Variants in FHIP1A observed in about 807,000 individuals in gnomAD.
FHIP1A encodes the protein FHF complex subunit HOOK-interacting protein 1A.
Under a neutral mutation model 88.6 loss-of-function variants are expected in FHIP1A, and 61 were observed. The observed-to-expected ratio is 0.69, with a 90% CI of 0.56 to 0.85. The LOEUF (loss-of-function observed/expected upper bound fraction) is 0.85. FHIP1A is among the 40% of genes least tolerant of loss of function. FHIP1A has a pLI of 0.00. For missense variants in FHIP1A, 1,154 were observed against 1,273.5 expected, an observed-to-expected ratio of 0.91 and a Z score of 1.43; for synonymous variants, 478 against 496.0, an observed-to-expected ratio of 0.96 and a Z score of 0.48.
intron 3 of FHIP1A, among the ~76,000 whole-genome samples, chr4:151,484,391 T>C (rs1473530389): frequency 6.6e-6 from 1 of 152,200 alleles, no homozygotes; most frequent in Non-Finnish European, 1.5e-5. Context: ...TATTTTGAGT[T>C]GTGCAGGAGA....
intron 7 of FHIP1A, among the ~76,000 whole-genome samples, chr4:151,597,768 A>T (rs896878659): frequency 6.6e-6 from 1 of 152,096 alleles, no homozygotes; most frequent in Non-Finnish European, 1.5e-5. Context: ...GCTACAGCAG[A>T]TTTGCTGAGC....
intron 1 of FHIP1A, among the ~76,000 whole-genome samples, chr4:151,434,844 C>A (rs1733739973): frequency 6.6e-6 from 1 of 151,982 alleles, no homozygotes; most frequent in Admixed American, 6.6e-5. Flanking sequence ...AAAGAATTGA[C>A]CTCCTACTGC....
At chr4:151,639,314 A>G (rs993447926) in intron 9 of FHIP1A, among the ~76,000 whole-genome samples, 32 of 152,222 alleles carry the variant, frequency 2.1e-4, no homozygotes, top group African/African-American at 7.0e-4. Flanking sequence ...CAGGTGGGAA[A>G]GGTTTTATGA....
intron 2 of FHIP1A, among the ~76,000 whole-genome samples, chr4:151,471,352 C>T (rs1341227312): frequency 6.9e-6 from 1 of 145,956 alleles, no homozygotes; most frequent in Non-Finnish European, 1.5e-5. Context: ...AAAAAACCAC[C>T]AAAACAGCAC....
chr4:151,443,927 C>A (rs1323941468), intron 1 of FHIP1A, among the ~76,000 whole-genome samples: 1 of 151,878 alleles, frequency 6.6e-6, no homozygotes, highest in Non-Finnish European at 1.5e-5. Flanking sequence ...TGCGTGAAGG[C>A]TGTGCTAGAG....
chr4:151,556,712 A>G (rs1303549347), intron 3 of FHIP1A, among the ~76,000 whole-genome samples: 2 of 152,110 alleles, frequency 1.3e-5, no homozygotes, highest in Non-Finnish European at 2.9e-5. Flanking sequence ...AAAGGGAGAG[A>G]TGGAGAGAGG....
intron 1 of FHIP1A, among the ~76,000 whole-genome samples, chr4:151,417,199 C>T (rs1022733556): frequency 3.3e-5 from 5 of 152,096 alleles, no homozygotes; most frequent in African/African-American, 9.7e-5. Flanking sequence ...GGAGCAGGCC[C>T]GAGCAAGCAG....
At chr4:151,410,578 T>G (rs1044361143) in intron 1 of FHIP1A, among the ~76,000 whole-genome samples, 6 of 152,226 alleles carry the variant, frequency 3.9e-5, no homozygotes, top group African/African-American at 1.4e-4. Context: ...CCTTAATGTA[T>G]TATGCCTGCT....
rs192457465 is a variant in FHIP1A, at chr4:151,586,144, C to T, written c.733-497C>T. On this transcript the variant is annotated intron_variant, in intron 5 of 13. Coordinates refer to ENST00000435205, the MANE Select transcript of FHIP1A (RefSeq NM_001109977.3). ...GCAAGGAATTGCATGGAATCTTTCC[C>T]ATAAAGCTCATGGTTCCAATGTATG... 4.9e-3 allele frequency among the ~76,000 whole-genome samples: 741 copies of T among 152,232 alleles called. 6 individuals are homozygous for T. Among genetic ancestry groups the T allele is most frequent in the Non-Finnish European group, 5.3e-3 (362 of 68,002 alleles).
chr4:151,608,037 CTTT>C (rs376335318), intron 7 of FHIP1A, among the ~76,000 whole-genome samples: 2 of 67,100 alleles, frequency 3.0e-5, no homozygotes, highest in African/African-American at 5.6e-5. Context: ...CTTTCTTCTT[CTTT>C]TTTTTTTTTT....
At chr4:151,414,719 CAGGT>C (rs1732818076) in intron 1 of FHIP1A, among the ~76,000 whole-genome samples, 1 of 152,140 alleles carries the variant, frequency 6.6e-6, no homozygotes, top group African/African-American at 2.4e-5. Context: ...TTCTAAAAGA[CAGGT>C]AGAGACAAAT....
chr4:151,431,423 A>T (rs1446159147), intron 1 of FHIP1A, among the ~76,000 whole-genome samples: 3 of 152,210 alleles, frequency 2.0e-5, no homozygotes, highest in East Asian at 3.8e-4. Flanking sequence ...TAAAAAAATC[A>T]TTCTTAAGCT....
chr4:151,571,983 G>A (rs534655834), intron 4 of FHIP1A, among the ~76,000 whole-genome samples: 12 of 152,272 alleles, frequency 7.9e-5, no homozygotes, highest in Middle Eastern at 3.4e-3. Context: ...CGAGGTGGGC[G>A]GATCACCAAA....
chr4:151,429,804 G>T (rs994091453), intron 1 of FHIP1A, among the ~76,000 whole-genome samples: 1 of 140,384 alleles, frequency 7.1e-6, no homozygotes, highest in African/African-American at 2.7e-5. Context: ...AGCCGAGATC[G>T]CACCACTGCA....
chr4:151,464,356 G>A (rs2126605113), intron 2 of FHIP1A, among the ~76,000 whole-genome samples: 1 of 152,252 alleles, frequency 6.6e-6, no homozygotes, highest in African/African-American at 2.4e-5. Context: ...ATCCCAATAT[G>A]TAAGTCAGAG....
chr4:151,441,066 C>T (rs568740380), intron 1 of FHIP1A, among the ~76,000 whole-genome samples: 145 of 152,290 alleles, frequency 9.5e-4, no homozygotes, highest in Non-Finnish European at 1.6e-3. Context: ...GCCCCCCTAT[C>T]ATGTTTCTGG....
intron 1 of FHIP1A, among the ~76,000 whole-genome samples, chr4:151,449,585 G>C (rs1313793503): frequency 6.6e-6 from 1 of 152,046 alleles, no homozygotes; most frequent in Non-Finnish European, 1.5e-5. Context: ...ATACCTTACT[G>C]TTAACCATAG....
At chr4:151,466,003 A>T (rs1309337533) in intron 2 of FHIP1A, among the ~76,000 whole-genome samples, 1 of 151,562 alleles carries the variant, frequency 6.6e-6, no homozygotes, top group African/African-American at 2.4e-5. Context: ...TTCAACATAG[A>T]AATAAAGGGT....
chr4:151,484,868 A>G (rs1363247349), intron 3 of FHIP1A, among the ~76,000 whole-genome samples: 1 of 152,214 alleles, frequency 6.6e-6, no homozygotes, highest in Non-Finnish European at 1.5e-5. Flanking sequence ...GCAGCATTAG[A>G]AGGCTCTCCT....
Sources: gnomAD v4.1 joint callset for allele counts (sites outside exome capture counted in the v4.1 genomes callset) on GRCh38, gnomAD v4.1.1 for gene constraint, MANE v1.5 for transcripts, NCBI Gene and HGNC (gene_info 2026-07-23, HGNC 2026-07-21) for gene names.